The following ESRRG variants were observed in gnomAD, a reference collection of about 807,000 sequenced individuals.
The protein encoded by ESRRG is estrogen-related receptor gamma.
In ESRRG, 13 loss-of-function variants were observed where a neutral mutation model predicts 44.0. The ratio of observed to expected loss-of-function variants is 0.30; its 90% CI spans 0.19 to 0.47. ESRRG has a LOEUF of 0.47. ESRRG is among the 20% of genes least tolerant of loss of function. ESRRG has a pLI of 1.00. For synonymous variants in ESRRG, 215 were observed against 214.6 expected (o/e 1.00, Z -0.02); for missense variants, 395 against 580.6 (o/e 0.68, Z 3.29).
chr1:216,760,064 C>T (rs1032384633), intron 2 of ESRRG, among the ~76,000 whole-genome samples: 2 of 152,050 alleles, frequency 1.3e-5, no homozygotes, highest in African/African-American at 4.8e-5. Context: ...GATTTTCCCA[C>T]ATCCTGTGCA....
intron 1 of ESRRG, among the ~76,000 whole-genome samples, chr1:217,070,386 A>ATT (rs71303006): frequency 2.1e-3 from 305 of 148,014 alleles, no homozygotes; most frequent in African/African-American, 6.0e-3. Flanking sequence ...TCCAAAGTTA[A>ATT]TTTTTTTTTT....
At chr1:216,521,087 C>T (rs1377960920) in intron 5 of ESRRG, among the ~76,000 whole-genome samples, 2 of 152,076 alleles carry the variant, frequency 1.3e-5, no homozygotes, top group East Asian at 1.9e-4. Context: ...GCATTTCTTT[C>T]GTTGTTTATC....
chr1:216,930,660 T>C (rs2063212151), intron 2 of ESRRG, among the ~76,000 whole-genome samples: 1 of 152,146 alleles, frequency 6.6e-6, no homozygotes, highest in Admixed American at 6.5e-5. Context: ...AGAAATACAG[T>C]ACTATAATAC....
intron 1 of ESRRG, among the ~76,000 whole-genome samples, chr1:217,136,227 G>A (rs1357112336): frequency 6.6e-6 from 1 of 152,166 alleles, no homozygotes; most frequent in African/African-American, 2.4e-5. Flanking sequence ...TGGGAGTACC[G>A]GAGTGAGTGG....
chr1:216,891,794 CT>C (rs35043282), intron 2 of ESRRG, among the ~76,000 whole-genome samples: 5,706 of 102,362 alleles, frequency 0.056, 95 homozygotes, highest in African/African-American at 0.17. Flanking sequence ...GTGGTGCCCG[CT>C]TTTTTTTTTT....
At chr1:216,776,493 A>C (rs2093621118) in intron 2 of ESRRG, among the ~76,000 whole-genome samples, 1 of 152,002 alleles carries the variant, frequency 6.6e-6, no homozygotes, top group Non-Finnish European at 1.5e-5. Flanking sequence ...CCTTCACTGG[A>C]CTTCATACTC....
rs529723797 is a variant in ESRRG at position 216,967,272 on chromosome 1, A to G, written c.-105-27599T>C. ...CCACCCAAAGCCCAGACTTTGCATTAGGGTTACTTCTTGGGGTTATATAAA... is the reference window on the plus strand; with the variant it reads ...CCACCCAAAGCCCAGACTTTGCATTGGGGTTACTTCTTGGGGTTATATAAA... On this transcript the variant is annotated intron_variant, in intron 1 of 7. Transcript: ENST00000359162. Among the ~76,000 whole-genome samples the G allele has an allele frequency of 2.0e-4, 31 of 152,196 alleles. 1 individual carries two copies. Among genetic ancestry groups the G allele is most frequent in the South Asian group, 6.2e-4 (3 of 4,820 alleles).
At chr1:216,734,576 A>T (rs1052294759) in intron 2 of ESRRG, among the ~76,000 whole-genome samples, 7 of 152,150 alleles carry the variant, frequency 4.6e-5, no homozygotes, top group African/African-American at 1.7e-4. Flanking sequence ...AGCTTCCTGG[A>T]GCTTCACCAG....
chr1:216,862,781 G>A (rs1283834225), intron 2 of ESRRG: 1 of 152,126 alleles, frequency 6.6e-6, no homozygotes, highest in East Asian at 1.9e-4. Flanking sequence ...TTATAAGGTA[G>A]CAAAAGAAAA....
At chr1:217,091,296 A>G (rs1405379900), upstream of ESRRG, among the ~76,000 whole-genome samples, 1 of 152,226 alleles carries the variant, frequency 6.6e-6, no homozygotes, top group Non-Finnish European at 1.5e-5. Context: ...GTTGCAAAAA[A>G]TTAAGCACAA....
At chr1:217,103,999 T>C (rs1003336577) in intron 1 of ESRRG, among the ~76,000 whole-genome samples, 2 of 152,186 alleles carry the variant, frequency 1.3e-5, no homozygotes. Context: ...TGGCTTATTA[T>C]GAAAAGAAGC....
At chr1:216,523,892 T>C (rs2148993621) in intron 5 of ESRRG, among the ~76,000 whole-genome samples, 1 of 151,858 alleles carries the variant, frequency 6.6e-6, no homozygotes, top group Admixed American at 6.6e-5. Flanking sequence ...CATATCATGC[T>C]AGAACTGTAA....
intron 2 of ESRRG, among the ~76,000 whole-genome samples, chr1:216,815,156 G>A (rs2095094507): frequency 6.6e-6 from 1 of 152,148 alleles, no homozygotes; most frequent in Non-Finnish European, 1.5e-5. Flanking sequence ...TACAGCCTCA[G>A]TTTCTCCATA....
At chr1:216,725,007 G>T (rs1197983824), upstream of ESRRG, among the ~76,000 whole-genome samples, 1 of 152,106 alleles carries the variant, frequency 6.6e-6, no homozygotes, top group East Asian at 1.9e-4. Flanking sequence ...TTCATCGTAT[G>T]TTAAATTCAC....
intron 1 of ESRRG, among the ~76,000 whole-genome samples, chr1:216,682,353 T>G (rs1316090744): frequency 6.6e-6 from 1 of 152,352 alleles, no homozygotes; most frequent in South Asian, 2.1e-4. Context: ...TTAACACAAT[T>G]TCTATTCTTC....
At chr1:216,828,508 G>A (rs543077018) in intron 2 of ESRRG, among the ~76,000 whole-genome samples, 2 of 152,172 alleles carry the variant, frequency 1.3e-5, no homozygotes, top group African/African-American at 2.4e-5. Context: ...ACAATAGTAA[G>A]AGTTTTATAA....
chr1:216,593,651 T>G (rs1218128917), intron 3 of ESRRG, among the ~76,000 whole-genome samples: 1 of 152,238 alleles, frequency 6.6e-6, no homozygotes, highest in African/African-American at 2.4e-5. Context: ...CTGGTAAGGC[T>G]GGCAAATGTT....
chr1:216,770,392 A>C (rs2152389957), intron 2 of ESRRG, among the ~76,000 whole-genome samples: 1 of 152,254 alleles, frequency 6.6e-6, no homozygotes, highest in Admixed American at 6.5e-5. Context: ...AGCATTTATT[A>C]ATTGTTTACT....
chr1:216,709,660 C>G (rs2083198233), intron 1 of ESRRG, among the ~76,000 whole-genome samples: 1 of 151,066 alleles, frequency 6.6e-6, no homozygotes, highest in African/African-American at 2.4e-5. Flanking sequence ...GATTTTTTTG[C>G]CAGCTTTTTT....
Sources: gnomAD v4.1 joint callset for allele counts (sites outside exome capture counted in the v4.1 genomes callset) on GRCh38, gnomAD v4.1.1 for gene constraint, MANE v1.5 for transcripts, NCBI Gene and HGNC (gene_info 2026-07-23, HGNC 2026-07-21) for gene names.